LTK: variants seen among roughly 807,000 people sequenced by gnomAD.
The protein encoded by LTK is leukocyte receptor tyrosine kinase.
LTK carries 117 observed loss-of-function variants against 101.5 expected under a neutral mutation model. The observed-to-expected ratio is 1.15, with a 90% CI of 0.99 to 1.34. The LOEUF (loss-of-function observed/expected upper bound fraction) is 1.34. Among genes scored for constraint, LTK ranks in the 40% most tolerant of loss-of-function variants. The pLI is 0.00. For missense variants in LTK, 1,252 were observed against 1,164.7 expected (o/e 1.07, Z -1.09); for synonymous variants, 563 against 494.2 (o/e 1.14, Z -1.85).
chr15:41,513,194 G>A (rs890248013), intron 1 of LTK, 74 bp from the exon 2 acceptor site: 2 of 1,483,982 alleles, frequency 1.3e-6, no homozygotes, highest in South Asian at 1.3e-5. Flanking sequence ...AGAGAACCCC[G>A]CAACAGCTGC....
rs1425405287 is a variant in LTK, at chr15:41,505,512, G to A, written c.1716C>T (p.Asn572=). ...GGCTGAGCCCCACACACCGCACAAT[G>A]TTCTGATGGCGAAACTTGCTGAGTG... ...ALIISKFRHQ[N]IVRCVGLSLR... is the part of the protein sequence containing the mutation. Residue 572 remains asparagine, a synonymous_variant, in exon 14 of 20, where the codon AAC becomes AAT. Transcript: ENST00000263800. 5.0e-6 allele frequency: 8 copies of A among 1,613,916 alleles called. No individual in the cohort carries two copies. Among genetic ancestry groups the A allele is most frequent in the Non-Finnish European group, 6.8e-6 (8 of 1,180,008 alleles).
chr15:41,510,005 A>G (rs1409112377), intron 7 of LTK, among the ~76,000 whole-genome samples: 2 of 151,794 alleles, frequency 1.3e-5, no homozygotes, highest in Non-Finnish European at 2.9e-5. Context: ...GCTCTTACCA[A>G]TTTTCTTTTC....
Position 41,503,687 on chromosome 15 carries a change from TGCCCAGATGAAGGA to T in LTK, c.*295_*308del, listed in dbSNP as rs2051151404. 7.3e-5 allele frequency: 46 copies of T among 630,742 alleles called. No homozygotes were observed. The highest frequency in any genetic ancestry group is 6.3e-4 in the South Asian group (45 of 71,600). The allele number at this position is 630,742 out of a possible 1,614,324, so 39.1% of individuals were successfully genotyped here. On this transcript the variant is annotated 3_prime_UTR_variant, in exon 20 of 20. Coordinates refer to ENST00000263800, the MANE Select transcript of LTK (RefSeq NM_002344.6). Reference sequence around the variant, plus strand: ...AGAAGCATCTGCAGGGTGGGGGGTCTGCCCAGATGAAGGATGCTCATAATGGGAGAGCAATCCAG... The same window carrying T: ...AGAAGCATCTGCAGGGTGGGGGGTCTTGCTCATAATGGGAGAGCAATCCAG...
At position 41,504,955 on chromosome 15, in the gene LTK, C is replaced by T. The variant is rs774458820; in HGVS notation, c.2018+17G>A. On this transcript the variant is annotated intron_variant, in intron 16 of 19. Transcript: ENST00000263800. ...CCCCCTTGGAGCAAGAGCCTTCCCA[C>T]CTCCCAAGTCCCGCACCGGTAGATA... is the stretch of plus-strand genomic sequence containing the variant. 5.0e-6 allele frequency: 8 copies of T among 1,600,576 alleles called. No individual in the cohort carries two copies. Among genetic ancestry groups the T allele is most frequent in the Middle Eastern group, 3.3e-4 (2 of 5,976 alleles).
chr15:41,512,998 C>T lies in LTK; in HGVS notation c.166G>A (p.Ala56Thr). Residue 56 changes from alanine (A) to threonine (T), a missense_variant, in exon 2 of 20, where the codon GCC (alanine) becomes ACC (threonine). Coordinates refer to ENST00000263800, the MANE Select transcript of LTK (RefSeq NM_002344.6). The part of the protein sequence containing the change: ...VSAPPSILEP[A>T]SPLNSPGTEG... The stretch of plus-strand genomic sequence containing the variant: ...TCACCCGGAGAATTCAGCGGGGAGG[C>T]TGGCTCCAAGATACTAGGCGGGGCG... 1 of 1,613,572 alleles carries T rather than the reference C, an allele frequency of 6.2e-7. No individual in the cohort carries two copies. The highest frequency in any genetic ancestry group is 8.5e-7 in the Non-Finnish European group (1 of 1,179,916).
Position 41,513,040 on chromosome 15 carries a change from G to A in LTK, c.124C>T (p.Arg42Trp), listed in dbSNP as rs756998856. 6.2e-7 allele frequency: 1 copy of A among 1,611,036 alleles called. No homozygotes were observed. Among genetic ancestry groups the A allele is most frequent in the South Asian group, 1.1e-5 (1 of 90,882 alleles). The change falls in exon 2 of 20, where the codon CGG becomes TGG. Residue 42 changes from arginine to tryptophan, a missense_variant. By Grantham distance (101) the Arg-to-Trp change is moderately radical (BLOSUM62 -3). Transcript: ENST00000263800. ...GGCGGGGCGCTGACTTTCGGGTCCC[G>A]GGGGCTGGGACTTGCCAGCGGCAGG... ...SPLPLASPSPRDPKVSAPPSI... is the reference protein window; with the variant it reads ...SPLPLASPSPWDPKVSAPPSI...
intron 7 of LTK, among the ~76,000 whole-genome samples, chr15:41,510,285 C>T (rs1403704000): frequency 2.0e-5 from 3 of 152,146 alleles, no homozygotes; most frequent in South Asian, 2.1e-4. Flanking sequence ...AGATTACAGG[C>T]GTGAGCCACC....
rs532710488 is a variant in LTK, at chr15:41,513,793, A to G, written c.-84T>C. The G allele has an allele frequency of 2.9e-5, 36 of 1,254,334 alleles. No individual in the cohort carries two copies. In the East Asian group the frequency reaches 8.2e-4, roughly 28 times the overall value. The allele number at this position is 1,254,334 out of a possible 1,614,324, so 77.7% of individuals were successfully genotyped here. Reference sequence around the variant, plus strand: ...CCTAAAGTTGACAGCTCATTTTGCCACGGCAGCCCTGGCCACCACTTACAG... The same window carrying G: ...CCTAAAGTTGACAGCTCATTTTGCCGCGGCAGCCCTGGCCACCACTTACAG... On this transcript the variant is annotated 5_prime_UTR_variant, in exon 1 of 20. Transcript: ENST00000263800.
chr15:41,508,573 AAAT>A (rs2051360008), intron 8 of LTK, among the ~76,000 whole-genome samples: 2 of 112,236 alleles, frequency 1.8e-5, no homozygotes, highest in Admixed American at 9.1e-5. Flanking sequence ...AAAAATAAAT[AAAT>A]AAATAAATAA....
chr15:41,509,159 C>G, intron 7 of LTK, 30 bp from the exon 8 acceptor site: 1 of 1,369,468 alleles, frequency 7.3e-7, no homozygotes, highest in Non-Finnish European at 1.0e-6. Flanking sequence ...GAGAGTTTGA[C>G]TACAAAAATG....
In LTK at chr15:41,504,475, G is replaced by T; in HGVS notation, c.2255+31C>A. The T allele has an allele frequency of 1.2e-6, 2 of 1,613,792 alleles. 1 individual carries two copies. Among genetic ancestry groups the T allele is most frequent in the South Asian group, 2.2e-5 (2 of 91,072 alleles). ...TTCATGCCCACCCATGGTTGTGAAG[G>T]ACCTCCCTTCCCGGGCAGCACTCAA... On this transcript the variant is annotated intron_variant, in intron 18 of 19. Coordinates refer to ENST00000263800, the MANE Select transcript of LTK (RefSeq NM_002344.6).
chr15:41,505,391 A>C lies in LTK; in HGVS notation c.1827+10T>G, dbSNP rs750103241. 7.5e-5 allele frequency: 121 copies of C among 1,613,818 alleles called. No individual in the cohort carries two copies. Among genetic ancestry groups the C allele is most frequent in the Non-Finnish European group, 1.0e-4 (119 of 1,179,942 alleles). ...AGAGGGGCCTGGGGGGGCTAAGACA[A>C]GGGTCTCACCAGGTGTGGCCGACTG... is the stretch of plus-strand genomic sequence containing the variant. On this transcript the variant is annotated intron_variant, in intron 14 of 19. Coordinates refer to ENST00000263800, the MANE Select transcript of LTK (RefSeq NM_002344.6).
rs752891613 is a variant in LTK at position 41,504,341 on chromosome 15, C to G, written c.2346+1G>C. ...GATGTTAGATTAGGTCGGGGGCACACCTGAGTGCAGTACTGCAGACGCTCC... is the reference window on the plus strand; with the variant it reads ...GATGTTAGATTAGGTCGGGGGCACAGCTGAGTGCAGTACTGCAGACGCTCC... On this transcript the variant is annotated splice_donor_variant, in intron 19 of 19. Coordinates refer to ENST00000263800, the MANE Select transcript of LTK (RefSeq NM_002344.6). LOFTEE classifies it high-confidence loss of function. The G allele has an allele frequency of 6.2e-7, 1 of 1,614,050 alleles. No homozygotes were observed. Among genetic ancestry groups the G allele is most frequent in the Non-Finnish European group, 8.5e-7 (1 of 1,179,990 alleles).
rs769581905 is a variant in LTK, at chr15:41,504,840, G to A, written c.2053C>T (p.Leu685Phe). The change falls in exon 17 of 20, where the codon CTC (leucine) becomes TTC (phenylalanine). Residue 685 changes from leucine to phenylalanine, a missense_variant. By Grantham distance (22) the Leu-to-Phe change is conservative. Transcript: ENST00000263800. ...TCTGGGGGCATCCACTTGACTGGGAGCAAGGCCCGGTCCCCCCTGCGGTAA... is the reference window on the plus strand; with the variant it reads ...TCTGGGGGCATCCACTTGACTGGGAACAAGGCCCGGTCCCCCCTGCGGTAA... ...SYYRRGDRAL[L>F]PVKWMPPEAF... is the part of the protein sequence containing the mutation. The A allele has an allele frequency of 2.4e-5, 39 of 1,613,308 alleles. No individual in the cohort carries two copies. Among genetic ancestry groups the A allele is most frequent in the Non-Finnish European group, 3.2e-5 (38 of 1,179,842 alleles).
At position 41,513,059 on chromosome 15, in the gene LTK, C is replaced by T. The variant is rs2051545095; in HGVS notation, c.105G>A (p.Pro35=). 1 of 1,611,428 alleles carries T rather than the reference C, an allele frequency of 6.2e-7. No individual in the cohort carries two copies. Among genetic ancestry groups the T allele is most frequent in the South Asian group, 1.1e-5 (1 of 90,922 alleles). Residue 35 remains proline (P), a synonymous_variant, in exon 2 of 20, where the codon CCG becomes CCA. Coordinates refer to ENST00000263800, the MANE Select transcript of LTK (RefSeq NM_002344.6). Reference sequence around the variant, plus strand: ...GGTCCCGGGGGCTGGGACTTGCCAGCGGCAGGGGCGAGGACCGCAGAAAAG... The same window carrying T: ...GGTCCCGGGGGCTGGGACTTGCCAGTGGCAGGGGCGAGGACCGCAGAAAAG... The part of the protein sequence containing the change: ...QETFLRSSPL[P]LASPSPRDPK...
intron 9 of LTK, 132 bp downstream of exon 9, chr15:41,507,937 C>T (rs2051339794): frequency 1.0e-6 from 1 of 977,186 alleles, no homozygotes; most frequent in African/African-American, 1.6e-5. Context: ...CGATGAATCT[C>T]CAATCCCCTG....
Position 41,513,060 on chromosome 15 carries a change from G to C in LTK, c.104C>G (p.Pro35Arg). The change falls in exon 2 of 20, where the codon CCG becomes CGG. Residue 35 changes from proline to arginine, a missense_variant. Coordinates refer to ENST00000263800, the MANE Select transcript of LTK (RefSeq NM_002344.6). Reference sequence around the variant, plus strand: ...GTCCCGGGGGCTGGGACTTGCCAGCGGCAGGGGCGAGGACCGCAGAAAAGT... The same window carrying C: ...GTCCCGGGGGCTGGGACTTGCCAGCCGCAGGGGCGAGGACCGCAGAAAAGT... The part of the protein sequence containing the change: ...QETFLRSSPL[P>R]LASPSPRDPK... The C allele has an allele frequency of 6.2e-7, 1 of 1,611,994 alleles. No individual in the cohort carries two copies. Among genetic ancestry groups the C allele is most frequent in the Non-Finnish European group, 8.5e-7 (1 of 1,179,462 alleles).
intron 7 of LTK, among the ~76,000 whole-genome samples, chr15:41,509,672 A>G (rs541391040): frequency 7.9e-5 from 12 of 152,282 alleles, no homozygotes; most frequent in South Asian, 6.2e-4. Context: ...TAGCCTGACC[A>G]ACATGGTGAA....
intron 7 of LTK, among the ~76,000 whole-genome samples, chr15:41,510,044 T>C (rs1477387734): frequency 6.6e-6 from 1 of 151,926 alleles, no homozygotes; most frequent in African/African-American, 2.4e-5. Flanking sequence ...TCTTGCTCTG[T>C]CACCCAGGCT....
Sources: gnomAD v4.1 joint callset for allele counts (sites outside exome capture counted in the v4.1 genomes callset) on GRCh38, gnomAD v4.1.1 for gene constraint, MANE v1.5 for transcripts, NCBI Gene and HGNC (gene_info 2026-07-23, HGNC 2026-07-21) for gene names.